TENM2: variants seen among roughly 807,000 people sequenced by gnomAD.
TENM2 encodes teneurin-2.
A neutral mutation model predicts 245.2 loss-of-function variants in TENM2; 52 were observed. The ratio of observed to expected loss-of-function variants is 0.21; its 90% confidence interval spans 0.17 to 0.27. The LOEUF (loss-of-function observed/expected upper bound fraction) is 0.27, where lower values mean the gene tolerates loss of function less well. Among genes scored for constraint, TENM2 ranks in the 10% least tolerant of loss-of-function variants. The pLI, the probability that TENM2 is intolerant of heterozygous loss-of-function variation, is 1.00. For synonymous variants in TENM2, 1,363 were observed against 1,438.9 expected (o/e 0.95, Z 1.19); for missense variants, 3,046 against 3,666.8 (o/e 0.83, Z 4.37).
At chr5:167,730,585 C>G (rs968795672) in intron 2 of TENM2, among the ~76,000 whole-genome samples, 1 of 152,130 alleles carries the variant, frequency 6.6e-6, no homozygotes, top group Non-Finnish European at 1.5e-5. Flanking sequence ...TCTACTCCCC[C>G]GTCATCCTGG....
intron 4 of TENM2, chr5:167,965,253 G>A (rs1471676217): frequency 1.3e-5 from 2 of 152,168 alleles, no homozygotes; most frequent in East Asian, 3.9e-4. Flanking sequence ...GAAAACAAAA[G>A]TTCAGTTTTG....
chr5:167,946,136 C>A (rs1007301462), intron 3 of TENM2, among the ~76,000 whole-genome samples: 1 of 152,204 alleles, frequency 6.6e-6, no homozygotes, highest in African/African-American at 2.4e-5. Flanking sequence ...AAGGAGGAAG[C>A]AAGGTCATTG....
chr5:167,117,551 A>C, the TENM2 span, among the ~76,000 whole-genome samples: 1 of 152,136 alleles, frequency 6.6e-6, no homozygotes, highest in African/African-American at 2.4e-5. Flanking sequence ...AAAAACATAG[A>C]GGTGAACATG....
chr5:167,315,226 A>G (rs967308956), intron 1 of TENM2, among the ~76,000 whole-genome samples: 20 of 152,140 alleles, frequency 1.3e-4, no homozygotes, highest in African/African-American at 4.3e-4. Flanking sequence ...CAGTAATTTA[A>G]CTACAGTTGT....
At chr5:167,544,754 T>C (rs1404390962) in intron 2 of TENM2, among the ~76,000 whole-genome samples, 1 of 152,242 alleles carries the variant, frequency 6.6e-6, no homozygotes, top group African/African-American at 2.4e-5. Flanking sequence ...ATAAAACTAA[T>C]TCCTTCCCTC....
the TENM2 span, among the ~76,000 whole-genome samples, chr5:167,022,551 A>G: frequency 6.6e-6 from 1 of 152,230 alleles, no homozygotes; most frequent in South Asian, 2.1e-4. Context: ...TTCTAAATCT[A>G]GCAACTCAAC....
intron 2 of TENM2, among the ~76,000 whole-genome samples, chr5:167,493,627 G>A (rs561639961): frequency 5.3e-5 from 8 of 152,160 alleles, no homozygotes; most frequent in African/African-American, 1.9e-4. Context: ...ACTGAGATAT[G>A]GAGGATTGAA....
intron 13 of TENM2, 41 bp downstream of exon 15, chr5:168,162,798 G>A (rs1757867575): frequency 6.2e-7 from 1 of 1,600,078 alleles, no homozygotes; most frequent in Non-Finnish European, 8.6e-7. Context: ...TAAGAGCAGA[G>A]CGTTGTCCAT....
intron 4 of TENM2, among the ~76,000 whole-genome samples, chr5:167,987,735 T>G (rs1783358700): frequency 6.6e-6 from 1 of 152,122 alleles, no homozygotes; most frequent in Admixed American, 6.5e-5. Context: ...TACAAATTCC[T>G]GGGACCAGGC....
At chr5:168,073,743 G>A (rs913550368) in intron 7 of TENM2, among the ~76,000 whole-genome samples, 1 of 152,136 alleles carries the variant, frequency 6.6e-6, no homozygotes, top group African/African-American at 2.4e-5. Context: ...ATAACAGATC[G>A]AGACTTACGG....
chr5:167,637,387 G>A (rs1779271763), intron 2 of TENM2, among the ~76,000 whole-genome samples: 1 of 152,082 alleles, frequency 6.6e-6, no homozygotes, highest in Non-Finnish European at 1.5e-5. Context: ...AATGAAATGG[G>A]TATAGGCATG....
chr5:167,353,511 T>TC, intron 1 of TENM2, among the ~76,000 whole-genome samples: 1 of 121,064 alleles, frequency 8.3e-6, no homozygotes, highest in African/African-American at 3.1e-5. Context: ...TTTTTTTTTT[T>TC]TTTTTTTTTT....
rs147288963 is a variant in TENM2, at chr5:167,721,692, A to T, written c.503-154294A>T. Among the ~76,000 whole-genome samples the T allele has an allele frequency of 4.1e-3, 620 of 152,274 alleles. 5 individuals carry two copies. Among genetic ancestry groups the T allele is most frequent in the African/African-American group, 0.014 (595 of 41,542 alleles). Reference sequence around the variant, plus strand: ...TTCAAACTCACTTGGATAATCCAAAATATTCTCCCCACCTCAGGGCTCTTA... The same window carrying T: ...TTCAAACTCACTTGGATAATCCAAATTATTCTCCCCACCTCAGGGCTCTTA... On this transcript the variant is annotated intron_variant, in intron 2 of 28. Transcript: ENST00000518659.
intron 2 of TENM2, among the ~76,000 whole-genome samples, chr5:167,468,839 G>A (rs1257649744): frequency 1.3e-5 from 2 of 152,106 alleles, no homozygotes; most frequent in East Asian, 1.9e-4. Context: ...GTTTTAACAT[G>A]TGATATGCAC....
chr5:167,274,786 C>G, the TENM2 span, among the ~76,000 whole-genome samples: 1 of 151,692 alleles, frequency 6.6e-6, no homozygotes, highest in East Asian at 1.9e-4. Flanking sequence ...GTTTATCTGC[C>G]ATTTATATAT....
intron 2 of TENM2, among the ~76,000 whole-genome samples, chr5:167,537,250 C>CGA (rs1771913064): frequency 9.2e-6 from 1 of 108,724 alleles, no homozygotes; most frequent in Non-Finnish European, 1.8e-5. Flanking sequence ...CCATCTCTAC[C>CGA]AAAAAAAAAA....
chr5:168,193,145 G>A (rs147932116), intron 14 of TENM2, among the ~76,000 whole-genome samples: 2 of 152,250 alleles, frequency 1.3e-5, no homozygotes, highest in East Asian at 1.9e-4. Flanking sequence ...ACAATAAATG[G>A]CACTTCCCAA....
chr5:167,400,363 G>A (rs1762293035), intron 2 of TENM2, among the ~76,000 whole-genome samples: 2 of 152,052 alleles, frequency 1.3e-5, no homozygotes, highest in African/African-American at 4.8e-5. Context: ...GGATTCTAGA[G>A]TGGGTTTTAA....
chr5:167,490,619 T>G (rs1192180116), intron 2 of TENM2, among the ~76,000 whole-genome samples: 1 of 152,176 alleles, frequency 6.6e-6, no homozygotes, highest in African/African-American at 2.4e-5. Context: ...TCTTAAAATA[T>G]CTCTCATATT....
Sources: gnomAD v4.1 joint callset for allele counts (sites outside exome capture counted in the v4.1 genomes callset) on GRCh38, gnomAD v4.1.1 for gene constraint, MANE v1.5 for transcripts, NCBI Gene and HGNC (gene_info 2026-07-23, HGNC 2026-07-21) for gene names.